DSG3: variants seen among roughly 807,000 people sequenced by gnomAD.
The protein encoded by DSG3 is desmoglein-3.
DSG3 carries 63 observed loss-of-function variants against 85.9 expected under a neutral mutation model. That is an observed-to-expected ratio of 0.73 (90% confidence interval 0.60 to 0.90). The LOEUF (loss-of-function observed/expected upper bound fraction) is 0.90, where lower values mean the gene tolerates loss of function less well. DSG3 is among the 40% of genes least tolerant of loss of function. DSG3 has a pLI of 0.00. For missense variants in DSG3, 1,220 were observed against 1,219.9 expected (o/e 1.00, Z 0.00); for synonymous variants, 447 against 441.9 (o/e 1.01, Z -0.14).
Position 31,472,330 on chromosome 18 carries a change from T to C in DSG3, c.1944T>C (p.Thr648=), listed in dbSNP as rs759907907. The change falls in exon 13 of 16, where the codon ACT becomes ACC. Residue 648 remains threonine (T), a synonymous_variant. Coordinates refer to ENST00000257189, the MANE Select transcript of DSG3 (RefSeq NM_001944.3). ...LLTCDCGAGS[T]GGVTGGFIPV... The stretch of plus-strand genomic sequence containing the variant: ...CCTGTGACTGTGGGGCAGGTTCTAC[T>C]GGGGGAGTGACAGGTGGTTTTATCC... The C allele has an allele frequency of 4.5e-5, 72 of 1,614,034 alleles. No homozygotes were observed. Among genetic ancestry groups the C allele is most frequent in the Non-Finnish European group, 5.3e-5 (63 of 1,180,014 alleles).
chr18:31,471,847 A>G (rs1010420767), intron 12 of DSG3, among the ~76,000 whole-genome samples: 31 of 152,218 alleles, frequency 2.0e-4, no homozygotes, highest in African/African-American at 7.0e-4. Context: ...AGACTAGATT[A>G]CCAAAACACC....
intron 13 of DSG3, 117 bp downstream of exon 13, chr18:31,472,540 T>G (rs1372758768): frequency 9.0e-6 from 12 of 1,334,582 alleles, no homozygotes; most frequent in Non-Finnish European, 1.2e-5. Context: ...GAGTCAGTGC[T>G]GAATAGATGG....
At chr18:31,473,984 A>G in intron 14 of DSG3, 137 bp from the exon 15 acceptor site, 3 of 766,444 alleles carry the variant, frequency 3.9e-6, no homozygotes, top group Non-Finnish European at 6.1e-6. Context: ...GGATGTTATC[A>G]CCTCTAGTCA....
chr18:31,457,705 G>T (rs2072757731), intron 3 of DSG3, among the ~76,000 whole-genome samples: 1 of 151,306 alleles, frequency 6.6e-6, no homozygotes, highest in African/African-American at 2.4e-5. Context: ...TCAGCTCACT[G>T]CAACCTCCTC....
chr18:31,450,668 C>T (rs2072706258), intron 1 of DSG3, among the ~76,000 whole-genome samples: 2 of 152,186 alleles, frequency 1.3e-5, no homozygotes, highest in East Asian at 3.8e-4. Context: ...ACTTAAATCT[C>T]TGGCTATGCC....
rs8089502 is a variant in DSG3 at position 31,448,221 on chromosome 18, C to G, written c.48+296C>G. Among the ~76,000 whole-genome samples the G allele has an allele frequency of 0.28, 42,879 of 152,046 alleles. 6,964 individuals carry two copies. Among genetic ancestry groups the G allele is most frequent in the African/African-American group, 0.46 (18,924 of 41,476 alleles). ...GGTTATATTTTCCACAACATTTTCA[C>G]TTTCTTTAAAGTTATGCTTTTACTA... On this transcript the variant is annotated intron_variant, in intron 1 of 15. Transcript: ENST00000257189.
intron 8 of DSG3, among the ~76,000 whole-genome samples, chr18:31,463,687 T>C (rs1320844347): frequency 6.6e-6 from 1 of 152,198 alleles, no homozygotes; most frequent in Non-Finnish European, 1.5e-5. Context: ...GGCCTTGATT[T>C]GTTCAGTCCT....
intron 1 of DSG3, among the ~76,000 whole-genome samples, chr18:31,448,702 A>T (rs1392145438): frequency 1.3e-5 from 2 of 152,018 alleles, no homozygotes; most frequent in Non-Finnish European, 2.9e-5. Flanking sequence ...ACACGGAGAT[A>T]TCAAAATAGT....
chr18:31,472,188 T>C, intron 12 of DSG3, 96 bp from the exon 13 acceptor site: 3 of 1,553,358 alleles, frequency 1.9e-6, no homozygotes, highest in African/African-American at 2.7e-5. Context: ...ATATTTAAGA[T>C]ACTGTATTTT....
At chr18:31,456,781 G>T (rs909694733) in intron 2 of DSG3, among the ~76,000 whole-genome samples, 2 of 152,046 alleles carry the variant, frequency 1.3e-5, no homozygotes, top group African/African-American at 4.8e-5. Flanking sequence ...ACGACTAAAT[G>T]CTAATATTAA....
chr18:31,478,297 G>C lies in DSG3; in HGVS notation c.*2037G>C, dbSNP rs1224854107. ...CTTGTGCCTCTGCTTATGCATGAGG[G>C]TTAAATTAACAACCATAACCTTCAT... On this transcript the variant is annotated 3_prime_UTR_variant, in exon 16 of 16. Transcript: ENST00000257189. 6.6e-6 allele frequency: 1 copy of C among 152,176 alleles called. No homozygotes were observed. Among genetic ancestry groups the C allele is most frequent in the East Asian group, 1.9e-4 (1 of 5,200 alleles). 9.4% of individuals were successfully genotyped at this position (152,176 alleles called of 1,614,324 possible).
chr18:31,464,533 C>G, intron 9 of DSG3, 151 bp downstream of exon 9: 1 of 824,520 alleles, frequency 1.2e-6, no homozygotes, highest in Non-Finnish European at 1.8e-6. Flanking sequence ...TAACATTTAG[C>G]TAAATCATTA....
At chr18:31,457,201 C>A in intron 3 of DSG3, 77 bp downstream of exon 3, 2 of 1,438,982 alleles carry the variant, frequency 1.4e-6, no homozygotes, top group Non-Finnish European at 9.3e-7. Flanking sequence ...ACGGCAATTC[C>A]AAATAACAAA....
rs369029029 is a variant in DSG3, at chr18:31,466,784, T to C, written c.1636+30T>C. On this transcript the variant is annotated intron_variant, in intron 11 of 15. Coordinates refer to ENST00000257189, the MANE Select transcript of DSG3 (RefSeq NM_001944.3). ...GTAACAGTAAAGTTGCTTCTATAAA[T>C]GCAAACTGCTCCTTTGTATTTCCAG... is the stretch of plus-strand genomic sequence containing the variant. The C allele has an allele frequency of 8.3e-6, 13 of 1,562,460 alleles. No homozygotes were observed. In the African/African-American group the frequency reaches 1.6e-4, roughly 20 times the overall value.
Position 31,447,757 on chromosome 18 carries a change from A to C in DSG3, c.-121A>C. On this transcript the variant is annotated 5_prime_UTR_variant, in exon 1 of 16. Transcript: ENST00000257189. ...AGGGACCGCATAACAGACCATCTGT[A>C]GACTCCTTCGGAAAGCAGCAGAGAC... The C allele has an allele frequency of 1.4e-6, 1 of 725,150 alleles. No homozygotes were observed. The highest frequency in any genetic ancestry group is 2.2e-6 in the Non-Finnish European group (1 of 459,292). 44.9% of individuals were successfully genotyped at this position (725,150 alleles called of 1,614,324 possible). A position where few individuals can be genotyped will look rare whatever the true frequency, so the allele number is the denominator to read the frequency against.
At chr18:31,472,636 T>C in intron 13 of DSG3, 89 bp from the exon 14 acceptor site, 1 of 1,397,448 alleles carries the variant, frequency 7.2e-7, no homozygotes, top group Non-Finnish European at 1.0e-6. Flanking sequence ...AATGTTATCA[T>C]TTACAAATTT....
At chr18:31,456,883 C>A in intron 2 of DSG3, 110 bp from the exon 3 acceptor site, 2 of 1,098,976 alleles carry the variant, frequency 1.8e-6, no homozygotes, top group Non-Finnish European at 1.3e-6. Context: ...ACCTAACAGT[C>A]TTAGTGATCT....
At position 31,465,317 on chromosome 18, in the gene DSG3, G is replaced by A; in HGVS notation, c.1272-1G>A. 7.1e-7 allele frequency: 1 copy of A among 1,405,386 alleles called. No homozygotes were observed. The highest frequency in any genetic ancestry group is 1.5e-5 in the African/African-American group (1 of 68,058). The allele number at this position is 1,405,386 out of a possible 1,614,324, so 87.1% of individuals were successfully genotyped here. On this transcript the variant is annotated splice_acceptor_variant, in intron 9 of 15. Transcript: ENST00000257189. LOFTEE classifies it high-confidence loss of function. ...CTGATTTTTTTAATATTATGAAACA[G>A]ATATGTCATGGGACGTAACGATGGT...
chr18:31,469,111 C>T lies in DSG3; in HGVS notation c.1659C>T (p.Ala553=). 6.2e-7 allele frequency: 1 copy of T among 1,614,136 alleles called. No homozygotes were observed. Among genetic ancestry groups the T allele is most frequent in the African/African-American group, 1.3e-5 (1 of 75,044 alleles). ...CAGCTACCTCGGCCCTCCTCAGAGC[C>T]CAGGAACAGATACCTCCTGGAGTAT... ...TLNATSALLR[A]QEQIPPGVYH... Residue 553 remains alanine, a synonymous_variant, in exon 12 of 16, where the codon GCC becomes GCT. Transcript: ENST00000257189.
Sources: allele counts gnomAD v4.1 joint callset (sites outside exome capture counted in the v4.1 genomes callset), GRCh38; gene constraint gnomAD v4.1.1; transcripts MANE v1.5; gene names NCBI Gene and HGNC (gene_info 2026-07-23, HGNC 2026-07-21).